DIS3L2: variants seen among roughly 807,000 people sequenced by gnomAD.
The protein encoded by DIS3L2 is DIS3-like exonuclease 2.
In DIS3L2, 34 loss-of-function variants were observed where a neutral mutation model predicts 97.5. That is an observed-to-expected ratio of 0.35 (90% CI 0.27 to 0.46). The LOEUF (loss-of-function observed/expected upper bound fraction) is 0.46. Ranked by LOEUF, DIS3L2 falls within the 20% of genes least tolerant of loss-of-function variation. DIS3L2 has a pLI of 1.00. For missense variants in DIS3L2, 1,038 were observed against 1,146.0 expected (o/e 0.91, Z 1.36); for synonymous variants, 435 against 445.2 (o/e 0.98, Z 0.29).
intron 15 of DIS3L2, among the ~76,000 whole-genome samples, chr2:232,330,295 G>C (rs535123979): frequency 6.6e-6 from 1 of 152,292 alleles, no homozygotes; most frequent in East Asian, 1.9e-4. Flanking sequence ...TTTCAGAGTC[G>C]GGGCTGGAAT....
chr2:232,283,520 A>G (rs1372709874), intron 13 of DIS3L2, among the ~76,000 whole-genome samples: 1 of 152,026 alleles, frequency 6.6e-6, no homozygotes, highest in African/African-American at 2.4e-5. Context: ...GCACCCCCAT[A>G]GTGTTGGAAC....
At position 232,269,132 on chromosome 2, in the gene DIS3L2, G is replaced by T. The variant is rs1293801671; in HGVS notation, c.1659+5692G>T. The stretch of plus-strand genomic sequence containing the variant: ...TGCTGGCTCTGCCTCGTGTAGGTGC[G>T]CTGAAGGTGGGGACTGCTCATGGCA... On this transcript the variant is annotated intron_variant, in intron 13 of 20. Coordinates refer to ENST00000325385, the MANE Select transcript of DIS3L2 (RefSeq NM_152383.5). This position sits in a 1 kb window ranked among gnomAD's most constrained non-coding sequence, Gnocchi z 4.5. Among the ~76,000 whole-genome samples the T allele has an allele frequency of 6.6e-6, 1 of 152,128 alleles. No homozygotes were observed. The highest frequency in any genetic ancestry group is 1.5e-5 in the Non-Finnish European group (1 of 68,016).
chr2:232,232,297 C>T (rs535457717), intron 10 of DIS3L2, among the ~76,000 whole-genome samples: 2 of 152,264 alleles, frequency 1.3e-5, no homozygotes, highest in South Asian at 2.1e-4. Flanking sequence ...GTGCTCAGGG[C>T]AGCAGGGCCT....
intron 1 of DIS3L2, among the ~76,000 whole-genome samples, chr2:231,998,958 C>T (rs890393159): frequency 6.6e-6 from 1 of 152,078 alleles, no homozygotes; most frequent in South Asian, 2.1e-4. Flanking sequence ...TTGACATGTC[C>T]TCATCATTTT....
At chr2:232,074,638 G>A (rs562082218) in intron 5 of DIS3L2, among the ~76,000 whole-genome samples, 4 of 143,240 alleles carry the variant, frequency 2.8e-5, no homozygotes, top group African/African-American at 1.0e-4. Flanking sequence ...CACCACGTGA[G>A]CAGTGACACA....
At chr2:232,041,129 A>T (rs748085291) in intron 5 of DIS3L2, among the ~76,000 whole-genome samples, 1 of 152,162 alleles carries the variant, frequency 6.6e-6, no homozygotes, top group Non-Finnish European at 1.5e-5. Flanking sequence ...GAGAGGTATG[A>T]TAGGACATTA....
intron 8 of DIS3L2, 90 bp downstream of exon 8, chr2:232,136,809 T>C: frequency 4.1e-6 from 6 of 1,474,520 alleles, no homozygotes; most frequent in Admixed American, 2.2e-5. Flanking sequence ...ATTTTAATTA[T>C]TATTTCTTTA....
chr2:232,014,498 A>G (rs1389669759), intron 1 of DIS3L2, among the ~76,000 whole-genome samples: 2 of 152,198 alleles, frequency 1.3e-5, no homozygotes, highest in African/African-American at 4.8e-5. Flanking sequence ...CTAGATCTTT[A>G]TTATCACTTT....
chr2:232,222,206 G>T (rs1025060612), intron 10 of DIS3L2, among the ~76,000 whole-genome samples: 3 of 152,108 alleles, frequency 2.0e-5, no homozygotes, highest in Non-Finnish European at 2.9e-5. Context: ...GCTTCCCAAA[G>T]TGCTGGGATT....
At chr2:232,244,365 G>A (rs978991948) in intron 11 of DIS3L2, among the ~76,000 whole-genome samples, 20 of 152,132 alleles carry the variant, frequency 1.3e-4, no homozygotes, top group African/African-American at 4.1e-4. Flanking sequence ...AGGGGTGGTC[G>A]TTTGCTTCCT....
At chr2:232,255,707 C>T (rs543047204) in intron 12 of DIS3L2, among the ~76,000 whole-genome samples, 5 of 152,270 alleles carry the variant, frequency 3.3e-5, no homozygotes, top group Non-Finnish European at 5.9e-5. Flanking sequence ...AGAAGGGTCT[C>T]ACAATTGATT....
intron 13 of DIS3L2, among the ~76,000 whole-genome samples, chr2:232,299,621 G>A (rs1225227003): frequency 2.0e-5 from 3 of 151,684 alleles, no homozygotes; most frequent in Non-Finnish European, 2.9e-5. Flanking sequence ...GAAACATGGG[G>A]ATTTTTTTCT....
chr2:232,244,261 A>G (rs1219294964), intron 11 of DIS3L2, among the ~76,000 whole-genome samples: 1 of 152,144 alleles, frequency 6.6e-6, no homozygotes, highest in East Asian at 1.9e-4. Context: ...AGAGTGAAGA[A>G]TCACAGGCAA....
chr2:232,138,076 G>T (rs1250001628), intron 8 of DIS3L2, among the ~76,000 whole-genome samples: 1 of 152,148 alleles, frequency 6.6e-6, no homozygotes, highest in Non-Finnish European at 1.5e-5. Context: ...GTATCCCATT[G>T]TGTGTACTTG....
intron 6 of DIS3L2, among the ~76,000 whole-genome samples, chr2:232,119,242 A>G (rs1376426469): frequency 6.6e-6 from 1 of 152,226 alleles, no homozygotes; most frequent in East Asian, 1.9e-4. Context: ...CTTTGAGGCT[A>G]GTCTCTACTT....
intron 9 of DIS3L2, among the ~76,000 whole-genome samples, chr2:232,205,798 G>T (rs1056533988): frequency 1.3e-5 from 2 of 152,080 alleles, no homozygotes; most frequent in Non-Finnish European, 2.9e-5. Flanking sequence ...ATTTTATTTT[G>T]TACAGCAGAC....
chr2:232,192,031 A>G (rs1447533050), intron 9 of DIS3L2, among the ~76,000 whole-genome samples: 2 of 152,146 alleles, frequency 1.3e-5, no homozygotes, highest in African/African-American at 2.4e-5. Context: ...CAGGGGTCAC[A>G]CTAAGAGAAA....
rs756250248 is a variant in DIS3L2, at chr2:232,293,426, C to T, written c.1660-6614C>T. 6.6e-6 allele frequency among the ~76,000 whole-genome samples: 1 copy of T among 152,108 alleles called. No individual in the cohort carries two copies. Among genetic ancestry groups the T allele is most frequent in the African/African-American group, 2.4e-5 (1 of 41,420 alleles). On this transcript the variant is annotated intron_variant, in intron 13 of 20. Coordinates refer to ENST00000325385, the MANE Select transcript of DIS3L2 (RefSeq NM_152383.5). The surrounding 1 kb of genome is among the most constrained non-coding windows in gnomAD (Gnocchi z 4.6). ...GGGGGAAATACCTCTGGCATTCCAG[C>T]GAAGGGGAAAACAAAAGATCAGGGC...
chr2:232,095,104 T>C (rs943676534), intron 6 of DIS3L2, among the ~76,000 whole-genome samples: 2 of 152,190 alleles, frequency 1.3e-5, no homozygotes, highest in African/African-American at 4.8e-5. Context: ...TTTTCATCCA[T>C]TCAGCCACTC....
Sources: allele counts gnomAD v4.1 joint callset (sites outside exome capture counted in the v4.1 genomes callset), GRCh38; gene constraint gnomAD v4.1.1; non-coding constraint Gnocchi (gnomAD v3.1); transcripts MANE v1.5; gene names NCBI Gene and HGNC (gene_info 2026-07-23, HGNC 2026-07-21).